The following ARHGEF28 variants were observed in gnomAD, a reference collection of about 807,000 sequenced individuals.
ARHGEF28 encodes 190 kDa guanine nucleotide exchange factor.
A neutral mutation model predicts 206.6 loss-of-function variants in ARHGEF28; 152 were observed. That is an observed-to-expected ratio of 0.74 (90% CI 0.64 to 0.84). The LOEUF is 0.84. Ranked by LOEUF, ARHGEF28 falls within the 40% of genes least tolerant of loss-of-function variation. ARHGEF28 has a pLI of 0.00. For synonymous variants in ARHGEF28, 763 were observed against 776.4 expected (o/e 0.98, Z 0.29); for missense variants, 2,028 against 2,073.2 (o/e 0.98, Z 0.42).
intron 7 of ARHGEF28, among the ~76,000 whole-genome samples, chr5:73,781,277 G>A (rs555709876): frequency 2.0e-5 from 3 of 152,296 alleles, no homozygotes; most frequent in African/African-American, 7.2e-5. Flanking sequence ...GTCCTGTACA[G>A]CTGTTTACAG....
chr5:73,788,685 G>C (rs1046505133), intron 7 of ARHGEF28, among the ~76,000 whole-genome samples: 2 of 152,104 alleles, frequency 1.3e-5, no homozygotes, highest in Non-Finnish European at 2.9e-5. Flanking sequence ...GATTAGGAAA[G>C]GGTGGTTTGT....
intron 2 of ARHGEF28, among the ~76,000 whole-genome samples, chr5:73,710,589 C>T (rs1328857520): frequency 2.6e-5 from 4 of 152,204 alleles, no homozygotes; most frequent in Admixed American, 2.0e-4. Context: ...GTAGGTCATA[C>T]TTTTGGTGTA....
chr5:73,743,517 G>C (rs937679872), intron 2 of ARHGEF28, among the ~76,000 whole-genome samples: 3 of 152,118 alleles, frequency 2.0e-5, no homozygotes, highest in African/African-American at 7.2e-5. Flanking sequence ...AGTTATTTTA[G>C]TTAACCTTCT....
At chr5:73,665,276 A>T (rs1745881779) in intron 1 of ARHGEF28, among the ~76,000 whole-genome samples, 1 of 152,196 alleles carries the variant, frequency 6.6e-6, no homozygotes, top group Non-Finnish European at 1.5e-5. Flanking sequence ...TCATTGAGGT[A>T]CAGAAAAGGT....
chr5:73,850,699 G>A (rs999352863), intron 13 of ARHGEF28, among the ~76,000 whole-genome samples: 5 of 152,088 alleles, frequency 3.3e-5, no homozygotes, highest in Non-Finnish European at 1.5e-5. Context: ...TGTTCACAAG[G>A]GAAAATAGCC....
chr5:73,794,268 A>G lies in ARHGEF28; in HGVS notation c.911-134A>G, dbSNP rs116207130. 2.7e-3 allele frequency: 1,712 copies of G among 644,200 alleles called. 17 individuals are homozygous for G. In the African/African-American group the frequency reaches 0.028, roughly 11 times the overall value. The allele number at this position is 644,200 out of a possible 1,614,324, so 39.9% of individuals were successfully genotyped here. A position where few individuals can be genotyped will look rare whatever the true frequency, so the allele number is the denominator to read the frequency against. ...TCTGCTCTGTGGAGAGCTGATTTTT[A>G]AGAGGCCTAATCTAAAAACCTATCT... On this transcript the variant is annotated intron_variant, in intron 7 of 35. Coordinates refer to ENST00000513042, the MANE Select transcript of ARHGEF28 (RefSeq NM_001177693.2).
chr5:73,632,991 T>G (rs1408441001), intron 1 of ARHGEF28, among the ~76,000 whole-genome samples: 1 of 151,864 alleles, frequency 6.6e-6, no homozygotes, highest in Non-Finnish European at 1.5e-5. Flanking sequence ...TTTGTTTTCC[T>G]GCAACTAGAT....
In ARHGEF28 at chr5:73,894,447, A is replaced by G; in HGVS notation, c.3713A>G (p.His1238Arg). Residue 1238 changes from histidine to arginine, a missense_variant, in exon 29 of 36, where the codon CAT becomes CGT. This residue lies in a region of ARHGEF28 where 803 missense variants were observed against 768.0 expected (regional missense o/e 1.05). Coordinates refer to ENST00000513042, the MANE Select transcript of ARHGEF28 (RefSeq NM_001177693.2). ...QICAYLEEKL[H>R]IYAELGELSG... Reference sequence around the variant, plus strand: ...TGTGCGTATTTGGAGGAGAAGCTGCATATCTATGCTGAACTTGGAGAACTG... The same window carrying G: ...TGTGCGTATTTGGAGGAGAAGCTGCGTATCTATGCTGAACTTGGAGAACTG... 6.2e-7 allele frequency: 1 copy of G among 1,613,834 alleles called. No homozygotes were observed.
intron 10 of ARHGEF28, among the ~76,000 whole-genome samples, chr5:73,837,132 T>G (rs1757694894): frequency 6.6e-6 from 1 of 152,204 alleles, no homozygotes; most frequent in Admixed American, 6.5e-5. Context: ...TAAAGATTGC[T>G]TGAGCTCTTC....
At chr5:73,820,797 C>A (rs75174543) in intron 9 of ARHGEF28, among the ~76,000 whole-genome samples, 1 of 152,068 alleles carries the variant, frequency 6.6e-6, no homozygotes, top group Non-Finnish European at 1.5e-5. Context: ...TTATGGGATC[C>A]CATTCTCACC....
intron 1 of ARHGEF28, among the ~76,000 whole-genome samples, chr5:73,638,096 CTG>C (rs1480720275): frequency 6.6e-6 from 1 of 152,206 alleles, no homozygotes; most frequent in Non-Finnish European, 1.5e-5. Flanking sequence ...CAACCACAAA[CTG>C]TAGCACTTGC....
At chr5:73,835,487 C>T (rs2112566080) in intron 10 of ARHGEF28, among the ~76,000 whole-genome samples, 1 of 150,828 alleles carries the variant, frequency 6.6e-6, no homozygotes, top group South Asian at 2.1e-4. Context: ...AAAAAAAACC[C>T]AAAAGGACTG....
chr5:73,684,189 C>T (rs1747294576), intron 1 of ARHGEF28, among the ~76,000 whole-genome samples: 1 of 152,200 alleles, frequency 6.6e-6, no homozygotes, highest in Non-Finnish European at 1.5e-5. Flanking sequence ...ACTTCCTTAT[C>T]TTCCCAAACT....
intron 29 of ARHGEF28, among the ~76,000 whole-genome samples, chr5:73,894,841 G>A (rs926026870): frequency 6.6e-6 from 1 of 152,126 alleles, no homozygotes; most frequent in African/African-American, 2.4e-5. Context: ...AGATAGGGTG[G>A]CCAGGGAAGG....
chr5:73,845,511 G>A (rs1324983784), intron 11 of ARHGEF28, among the ~76,000 whole-genome samples: 2 of 152,082 alleles, frequency 1.3e-5, no homozygotes, highest in African/African-American at 4.8e-5. Flanking sequence ...TGACACTTCT[G>A]CAGCTTAGTC....
intron 1 of ARHGEF28, among the ~76,000 whole-genome samples, chr5:73,682,736 C>T (rs1747188066): frequency 6.6e-6 from 1 of 152,134 alleles, no homozygotes; most frequent in African/African-American, 2.4e-5. Flanking sequence ...TAAGAGAAGC[C>T]TCTAAAGTAC....
At chr5:73,740,898 T>A (rs893782857) in intron 2 of ARHGEF28, among the ~76,000 whole-genome samples, 1 of 152,178 alleles carries the variant, frequency 6.6e-6, no homozygotes, top group African/African-American at 2.4e-5. Flanking sequence ...GATTATTGAT[T>A]AAAATCCCAA....
intron 2 of ARHGEF28, among the ~76,000 whole-genome samples, chr5:73,744,135 G>T (rs1241799855): frequency 6.6e-6 from 1 of 152,146 alleles, no homozygotes; most frequent in African/African-American, 2.4e-5. Context: ...TAGATAATAT[G>T]TATAAGTAGT....
intron 29 of ARHGEF28, among the ~76,000 whole-genome samples, chr5:73,895,619 A>T (rs1761918526): frequency 2.0e-5 from 3 of 152,188 alleles, no homozygotes; most frequent in Admixed American, 1.3e-4. Context: ...ATGCTGTTGT[A>T]CAGAAGAAGG....
Sources: gnomAD v4.1 joint callset for allele counts (sites outside exome capture counted in the v4.1 genomes callset) on GRCh38, gnomAD v4.1.1 for gene constraint, gnomAD v4.1.1 regional missense constraint, MANE v1.5 for transcripts, NCBI Gene and HGNC (gene_info 2026-07-23, HGNC 2026-07-21) for gene names.